The following KLK13 variants were observed in gnomAD, a reference collection of about 807,000 sequenced individuals.
The protein encoded by KLK13 is kallikrein-13.
KLK13 carries 19 observed loss-of-function variants against 22.4 expected under a neutral mutation model. That is an observed-to-expected ratio of 0.85 (90% CI 0.59 to 1.24). KLK13 has a LOEUF of 1.24. Among genes scored for constraint, KLK13 ranks in the 50% most tolerant of loss-of-function variants. The pLI is 0.00. For synonymous variants in KLK13, 156 were observed against 141.8 expected (o/e 1.10, Z -0.71); for missense variants, 311 against 347.9 (o/e 0.89, Z 0.84).
chr19:51,056,279 G>A lies in KLK13; in HGVS notation c.*308C>T. 1 of 345,442 alleles carries A rather than the reference G, an allele frequency of 2.9e-6. No homozygotes were observed. Among genetic ancestry groups the A allele is most frequent in the Middle Eastern group, 8.5e-4 (1 of 1,170 alleles). 21.4% of individuals were successfully genotyped at this position (345,442 alleles called of 1,614,324 possible). A position where few individuals can be genotyped will look rare whatever the true frequency, so the allele number is the denominator to read the frequency against. On this transcript the variant is annotated 3_prime_UTR_variant, in exon 5 of 5. Coordinates refer to ENST00000595793, the MANE Select transcript of KLK13 (RefSeq NM_015596.3). ...TGGAAATATTTAAGAATGTGCCACA[G>A]ACAGAACGTTCAGGTGGTGATCTGG... is the stretch of plus-strand genomic sequence containing the variant.
In KLK13 at chr19:51,056,792, A is replaced by AAG. The variant is rs746704211; in HGVS notation, c.646-19_646-18dup. ...AGAGTCACCCTGAGTTGGGGAAAGA[A>AAG]AGAGAGAGAGAGGTGGGTCCTTGCT... On this transcript the variant is annotated splice_polypyrimidine_tract_variant and intron_variant, in intron 4 of 4. Coordinates refer to ENST00000595793, the MANE Select transcript of KLK13 (RefSeq NM_015596.3). The AAG allele has an allele frequency of 1.2e-6, 2 of 1,605,954 alleles. No individual in the cohort carries two copies. Among genetic ancestry groups the AAG allele is most frequent in the Admixed American group, 1.7e-5 (1 of 59,672 alleles).
chr19:51,062,757 A>G (rs913292126), intron 1 of KLK13, among the ~76,000 whole-genome samples: 2 of 152,216 alleles, frequency 1.3e-5, no homozygotes, highest in African/African-American at 4.8e-5. Context: ...GAAGAATTCA[A>G]GATGATCCTG....
Position 51,064,409 on chromosome 19 carries a change from AC to A in KLK13, c.52+606del, listed in dbSNP as rs548681290. Among the ~76,000 whole-genome samples the A allele has an allele frequency of 1.6e-4, 24 of 147,150 alleles. No individual in the cohort carries two copies. In the South Asian group the frequency reaches 5.0e-3, roughly 31 times the overall value. ...AGGCTGAGGCAGGAGAATCGCTTCA[AC>A]CCGGGAGGCGGAGGTTTCAGTAAGC... On this transcript the variant is annotated intron_variant, in intron 1 of 4. Coordinates refer to ENST00000595793, the MANE Select transcript of KLK13 (RefSeq NM_015596.3).
At chr19:51,064,919 C>A (rs2091767426) in intron 1 of KLK13, 97 bp downstream of exon 1, 4 of 992,070 alleles carry the variant, frequency 4.0e-6, no homozygotes, top group East Asian at 5.5e-5. Flanking sequence ...GGGCGGGGGG[C>A]GGAGCTCGCG....
chr19:51,056,954 C>T (rs1420896353), intron 4 of KLK13, among the ~76,000 whole-genome samples, 179 bp from the exon 5 acceptor site: 3 of 152,114 alleles, frequency 2.0e-5, no homozygotes, highest in African/African-American at 7.2e-5. Flanking sequence ...CAGTGAGAAA[C>T]AGACAAGAAG....
intron 3 of KLK13, 120 bp from the exon 4 acceptor site, chr19:51,058,794 T>C: frequency 2.0e-6 from 2 of 992,132 alleles, no homozygotes; most frequent in Admixed American, 3.7e-5. Context: ...AAGAGAAAGA[T>C]GGGAGAAGAG....
intron 3 of KLK13, among the ~76,000 whole-genome samples, chr19:51,059,104 G>A (rs1346512903): frequency 1.3e-5 from 2 of 152,052 alleles, no homozygotes; most frequent in Admixed American, 1.3e-4. Flanking sequence ...AGGGCATGTT[G>A]AGGAGAAAGA....
chr19:51,059,811 G>C lies in KLK13; in HGVS notation c.508+14C>G, dbSNP rs763823237. Reference sequence around the variant, plus strand: ...ACTCCTATGGGGCCTCAGGCCACCTGTGTGGGTGCATACCCTGGGGGCTGG... The same window carrying C: ...ACTCCTATGGGGCCTCAGGCCACCTCTGTGGGTGCATACCCTGGGGGCTGG... On this transcript the variant is annotated intron_variant, in intron 3 of 4. Coordinates refer to ENST00000595793, the MANE Select transcript of KLK13 (RefSeq NM_015596.3). 61 of 1,585,388 alleles carry C rather than the reference G, an allele frequency of 3.8e-5. No homozygotes were observed. The South Asian group carries it at 6.2e-4, about 16-fold the overall frequency.
intron 1 of KLK13, among the ~76,000 whole-genome samples, chr19:51,064,295 C>T (rs2091756831): frequency 6.6e-6 from 1 of 151,778 alleles, no homozygotes; most frequent in South Asian, 2.1e-4. Context: ...CGAGACCAGC[C>T]TAACCAACAT....
chr19:51,060,728 C>T, intron 1 of KLK13, 109 bp from the exon 2 acceptor site: 1 of 832,652 alleles, frequency 1.2e-6, no homozygotes, highest in Non-Finnish European at 1.9e-6. Context: ...CCTGGGTGAC[C>T]AGGAACTGAA....
intron 1 of KLK13, among the ~76,000 whole-genome samples, chr19:51,061,406 C>T (rs1467083966): frequency 6.6e-6 from 1 of 152,238 alleles, no homozygotes; most frequent in Non-Finnish European, 1.5e-5. Flanking sequence ...GCTCAAAACT[C>T]AAACACTGTT....
chr19:51,059,976 C>A lies in KLK13; in HGVS notation c.357G>T (p.Leu119=), dbSNP rs2091711428. Residue 119 remains leucine (L), a synonymous_variant, in exon 3 of 5, where the codon CTG becomes CTT. Coordinates refer to ENST00000595793, the MANE Select transcript of KLK13 (RefSeq NM_015596.3). ...GAAGCATGATGTCATGGTCGTGGTT[C>A]AGGTGGGTGGGGCTTCTCCGGTATT... ...HPEYRRSPTH[L]NHDHDIMLLE... 6.2e-7 allele frequency: 1 copy of A among 1,613,264 alleles called. No homozygotes were observed. Among genetic ancestry groups the A allele is most frequent in the Non-Finnish European group, 8.5e-7 (1 of 1,179,594 alleles).
chr19:51,056,573 A>G lies in KLK13; in HGVS notation c.*14T>C, dbSNP rs778887788. The G allele has an allele frequency of 8.7e-6, 14 of 1,613,408 alleles. No individual in the cohort carries two copies. The African/African-American group carries it at 1.9e-4, about 22-fold the overall frequency. On this transcript the variant is annotated 3_prime_UTR_variant, in exon 5 of 5. Coordinates refer to ENST00000595793, the MANE Select transcript of KLK13 (RefSeq NM_015596.3). ...TCATGGTGACAGGATGGAAGCCGGTACATTTCTCAACTTTTATTGTGGGCC... is the reference window on the plus strand; with the variant it reads ...TCATGGTGACAGGATGGAAGCCGGTGCATTTCTCAACTTTTATTGTGGGCC...
intron 1 of KLK13, chr19:51,063,951 C>A: frequency 2.4e-6 from 1 of 417,860 alleles, no homozygotes. Context: ...GTGCTGAGAG[C>A]AGGGACTGTG....
intron 1 of KLK13, 64 bp downstream of exon 1, chr19:51,064,952 C>A: frequency 7.0e-7 from 1 of 1,425,724 alleles, no homozygotes; most frequent in South Asian, 1.3e-5. Flanking sequence ...CCTCCCCCTC[C>A]GGCCTGACCC....
Position 51,056,584 on chromosome 19 carries a change from CT to C in KLK13, c.*2del. 6.2e-7 allele frequency: 1 copy of C among 1,614,040 alleles called. No individual in the cohort carries two copies. On this transcript the variant is annotated 3_prime_UTR_variant, in exon 5 of 5. Coordinates refer to ENST00000595793, the MANE Select transcript of KLK13 (RefSeq NM_015596.3). ...GGATGGAAGCCGGTACATTTCTCAA[CT>C]TTTATTGTGGGCCCTTCAACCATTT...
At chr19:51,063,668 A>C (rs1189234015) in intron 1 of KLK13, 1 of 456,710 alleles carries the variant, frequency 2.2e-6, no homozygotes, top group Non-Finnish European at 4.4e-6. Context: ...TGGCACGGGC[A>C]TGAATCCAGG....
At chr19:51,056,909 T>G (rs2091680746) in intron 4 of KLK13, 134 bp from the exon 5 acceptor site, 1 of 650,886 alleles carries the variant, frequency 1.5e-6, no homozygotes, top group Non-Finnish European at 2.6e-6. Flanking sequence ...AGAGGCAGAG[T>G]CAGACACACA....
Position 51,060,432 on chromosome 19 carries a change from C to G in KLK13, c.239+1G>C. ...CCCATGCTCCCCCGGCCCCCACATA[C>G]TCCTTTAGACAGTGTGCGGCAGTGA... On this transcript the variant is annotated splice_donor_variant, in intron 2 of 4. Coordinates refer to ENST00000595793, the MANE Select transcript of KLK13 (RefSeq NM_015596.3). LOFTEE classifies it high-confidence loss of function. 1.9e-6 allele frequency: 3 copies of G among 1,575,430 alleles called. No individual in the cohort carries two copies. Among genetic ancestry groups the G allele is most frequent in the Non-Finnish European group, 2.6e-6 (3 of 1,157,490 alleles).
Sources: gnomAD v4.1 joint callset for allele counts (sites outside exome capture counted in the v4.1 genomes callset) on GRCh38, gnomAD v4.1.1 for gene constraint, MANE v1.5 for transcripts, NCBI Gene and HGNC (gene_info 2026-07-23, HGNC 2026-07-21) for gene names.